TRIM36: variants seen among roughly 807,000 people sequenced by gnomAD.
The protein encoded by TRIM36 is E3 ubiquitin-protein ligase TRIM36.
Under a neutral mutation model 72.4 loss-of-function variants are expected in TRIM36, and 42 were observed. The ratio of observed to expected loss-of-function variants is 0.58; its 90% CI spans 0.45 to 0.75. The LOEUF is 0.75. TRIM36 is among the 30% of genes least tolerant of loss of function. The probability of loss-of-function intolerance (pLI) is 0.00; values close to 1 mark genes in which losing one functional copy is unlikely to be tolerated. For synonymous variants in TRIM36, 315 were observed against 282.8 expected, an observed-to-expected ratio of 1.11 and a Z score of -1.14; for missense variants, 913 against 857.1, an observed-to-expected ratio of 1.07 and a Z score of -0.81.
At chr5:115,161,696 C>T (rs1161727001) in intron 2 of TRIM36, among the ~76,000 whole-genome samples, 1 of 152,188 alleles carries the variant, frequency 6.6e-6, no homozygotes, top group Non-Finnish European at 1.5e-5. Flanking sequence ...GTTTCAGTCT[C>T]CACAGTCCCA....
chr5:115,148,415 CTTTT>C (rs146223001), intron 2 of TRIM36: 594 of 507,022 alleles, frequency 1.2e-3, no homozygotes, highest in South Asian at 1.3e-3. Context: ...TAAATCTGTT[CTTTT>C]TTTTTTTTTT....
intron 1 of TRIM36, among the ~76,000 whole-genome samples, chr5:115,178,683 A>C (rs1755461303): frequency 6.6e-6 from 1 of 152,126 alleles, no homozygotes; most frequent in Non-Finnish European, 1.5e-5. Flanking sequence ...GTGGAAGGAG[A>C]GTTCTCCAAT....
rs1463645630 is a variant in TRIM36, at chr5:115,125,215, C to T, written c.*1288G>A. On this transcript the variant is annotated 3_prime_UTR_variant, in exon 10 of 10. Coordinates refer to ENST00000513154, the MANE Select transcript of TRIM36 (RefSeq NM_001300759.2). ...AAAAGCATTCCATAAATGATTACTG[C>T]TACAATGCATAAAAGTAGTTTCTGA... 6.6e-6 allele frequency: 1 copy of T among 152,050 alleles called. No homozygotes were observed. Among genetic ancestry groups the T allele is most frequent in the Non-Finnish European group, 1.5e-5 (1 of 67,966 alleles). 9.4% of individuals were successfully genotyped at this position (152,050 alleles called of 1,614,324 possible). A position where few individuals can be genotyped will look rare whatever the true frequency, so the allele number is the denominator to read the frequency against.
chr5:115,149,685 G>A (rs1307075165), intron 2 of TRIM36: 1 of 128,730 alleles, frequency 7.8e-6, no homozygotes, highest in Non-Finnish European at 1.6e-5. Context: ...ACTTAAATCA[G>A]ACATTAAATT....
chr5:115,161,518 A>G (rs1407937305), intron 2 of TRIM36, among the ~76,000 whole-genome samples: 1 of 152,212 alleles, frequency 6.6e-6, no homozygotes, highest in East Asian at 1.9e-4. Context: ...GTCCTGCCCT[A>G]TTGAGCTGGT....
At chr5:115,136,889 G>A in intron 7 of TRIM36, 111 bp downstream of exon 7, 1 of 1,090,724 alleles carries the variant, frequency 9.2e-7, no homozygotes, top group Non-Finnish European at 1.3e-6. Context: ...GATAGTCCTG[G>A]GCAAGTGAGA....
chr5:115,164,390 T>G (rs1754648773), intron 1 of TRIM36, among the ~76,000 whole-genome samples: 1 of 152,210 alleles, frequency 6.6e-6, no homozygotes, highest in Non-Finnish European at 1.5e-5. Context: ...TAAAGAAAAT[T>G]ACCTGAGGCT....
chr5:115,147,359 C>G lies in TRIM36; in HGVS notation c.298G>C (p.Val100Leu), dbSNP rs1753647976. ...TGCTCACAGCCAGGGCAAGGGAAAA[C>G]AGTTGTCCTCGGGGTCAATGAATTG... is the stretch of plus-strand genomic sequence containing the variant. ...KRNSLTPRTTVFPCPGCEHDV... is the reference protein window; with the variant it reads ...KRNSLTPRTTLFPCPGCEHDV... The change falls in exon 3 of 10, where the codon GTT becomes CTT. Residue 100 changes from valine (V) to leucine (L), a missense_variant. Val to Leu is a conservative substitution (Grantham distance 32). Transcript: ENST00000513154. The G allele has an allele frequency of 1.9e-6, 3 of 1,613,288 alleles. No homozygotes were observed. Among genetic ancestry groups the G allele is most frequent in the East Asian group, 4.5e-5 (2 of 44,872 alleles).
rs756697377 is a variant in TRIM36 at position 115,163,590 on chromosome 5, A to G, written c.190T>C (p.Ser64Pro). The G allele has an allele frequency of 6.2e-7, 1 of 1,614,124 alleles. No individual in the cohort carries two copies. The highest frequency in any genetic ancestry group is 8.5e-7 in the Non-Finnish European group (1 of 1,180,028). ...CGAAGTCGAGGACTGCTTTGATTGG[A>G]GTTGTCTGATCCCACATCGTTGAAT... ...DSFNDVGSDN[S>P]NQSSPRLRLP... Residue 64 changes from serine (S) to proline (P), a missense_variant, in exon 2 of 10, where the codon TCC becomes CCC. Coordinates refer to ENST00000513154, the MANE Select transcript of TRIM36 (RefSeq NM_001300759.2).
chr5:115,128,075 G>C (rs1752446572), intron 9 of TRIM36, among the ~76,000 whole-genome samples: 1 of 124,338 alleles, frequency 8.0e-6, no homozygotes, highest in South Asian at 3.0e-4. Flanking sequence ...GTAGAACAAG[G>C]CTATAAAAAA....
At chr5:115,139,800 G>C (rs1178344680) in intron 5 of TRIM36, among the ~76,000 whole-genome samples, 1 of 152,174 alleles carries the variant, frequency 6.6e-6, no homozygotes, top group Non-Finnish European at 1.5e-5. Context: ...AAACAACTCA[G>C]TAATGTCCCC....
chr5:115,139,939 G>A (rs190884200), intron 5 of TRIM36, among the ~76,000 whole-genome samples: 47 of 152,270 alleles, frequency 3.1e-4, no homozygotes, highest in Admixed American at 2.0e-3. Flanking sequence ...GCAGGACTGA[G>A]AGGACCAACA....
chr5:115,148,090 G>A (rs1580671682), intron 2 of TRIM36, among the ~76,000 whole-genome samples: 2 of 152,246 alleles, frequency 1.3e-5, no homozygotes, highest in African/African-American at 4.8e-5. Flanking sequence ...ATAGAAGAGT[G>A]AAAAATTCAT....
chr5:115,138,745 G>T (rs553127004), intron 5 of TRIM36, among the ~76,000 whole-genome samples: 1 of 152,240 alleles, frequency 6.6e-6, no homozygotes, highest in African/African-American at 2.4e-5. Flanking sequence ...ATTTTGAGAA[G>T]ACTGGCAAAC....
intron 1 of TRIM36, among the ~76,000 whole-genome samples, chr5:115,165,763 T>C (rs1027510034): frequency 1.5e-4 from 23 of 152,006 alleles, no homozygotes; most frequent in African/African-American, 5.3e-4. Flanking sequence ...CACCCAGCTG[T>C]GGACTAGGGC....
At chr5:115,135,395 AT>A (rs1357848642) in intron 7 of TRIM36, among the ~76,000 whole-genome samples, 2 of 152,132 alleles carry the variant, frequency 1.3e-5, no homozygotes, top group African/African-American at 2.4e-5. Context: ...ACATTTTAAA[AT>A]TTAAAAAAAA....
chr5:115,130,154 G>T (rs1297898671), intron 9 of TRIM36, among the ~76,000 whole-genome samples: 1 of 152,158 alleles, frequency 6.6e-6, no homozygotes, highest in African/African-American at 2.4e-5. Context: ...GAAACTGGAA[G>T]TCTTTGCTGC....
At chr5:115,164,922 C>G (rs1754681090) in intron 1 of TRIM36, among the ~76,000 whole-genome samples, 3 of 152,200 alleles carry the variant, frequency 2.0e-5, no homozygotes, top group Admixed American at 2.0e-4. Flanking sequence ...GACAAATGCT[C>G]CCATTCCAAA....
chr5:115,147,332 C>T lies in TRIM36; in HGVS notation c.325G>A (p.Asp109Asn), dbSNP rs772962634. The T allele has an allele frequency of 6.2e-7, 1 of 1,614,150 alleles. No homozygotes were observed. The highest frequency in any genetic ancestry group is 1.1e-5 in the South Asian group (1 of 91,082). Residue 109 changes from aspartate to asparagine, a missense_variant, in exon 3 of 10, where the codon GAT (aspartate) becomes AAT (asparagine). Coordinates refer to ENST00000513154, the MANE Select transcript of TRIM36 (RefSeq NM_001300759.2). Reference sequence around the variant, plus strand: ...ATTCCTCGTTCTCCAAGATCCACATCATGCTCACAGCCAGGGCAAGGGAAA... The same window carrying T: ...ATTCCTCGTTCTCCAAGATCCACATTATGCTCACAGCCAGGGCAAGGGAAA... ...TVFPCPGCEH[D>N]VDLGERGING...
Sources: gnomAD v4.1 joint callset for allele counts (sites outside exome capture counted in the v4.1 genomes callset) on GRCh38, gnomAD v4.1.1 for gene constraint, MANE v1.5 for transcripts, NCBI Gene and HGNC (gene_info 2026-07-23, HGNC 2026-07-21) for gene names.